The following FSIP1 variants were observed in gnomAD, a reference collection of about 807,000 sequenced individuals.
The protein encoded by FSIP1 is fibrous sheath interacting protein 1, also known as fibrous sheath-interacting protein 1.
In FSIP1, 65 loss-of-function variants were observed where a neutral mutation model predicts 60.9. That is an observed-to-expected ratio of 1.07 (90% CI 0.87 to 1.31). The LOEUF (loss-of-function observed/expected upper bound fraction) is 1.31. Among genes scored for constraint, FSIP1 ranks in the 40% most tolerant of loss-of-function variants. FSIP1 has a pLI of 0.00. For synonymous variants in FSIP1, 209 were observed against 221.2 expected (o/e 0.94, Z 0.49); for missense variants, 675 against 665.5 (o/e 1.01, Z -0.16).
chr15:39,660,931 C>T (rs542468741), intron 10 of FSIP1, among the ~76,000 whole-genome samples: 164 of 152,208 alleles, frequency 1.1e-3, no homozygotes, highest in African/African-American at 3.7e-3. Flanking sequence ...GAAATGGTGG[C>T]GCACGCCTGT....
rs781480089 is a variant in FSIP1, at chr15:39,765,772, G to C, written c.311-26C>G. 13 of 1,290,142 alleles carry C rather than the reference G, an allele frequency of 1.0e-5. No homozygotes were observed. In the South Asian group the frequency reaches 1.4e-4, roughly 14 times the overall value. 79.9% of individuals were successfully genotyped at this position (1,290,142 alleles called of 1,614,324 possible). A position where few individuals can be genotyped will look rare whatever the true frequency, so the allele number is the denominator to read the frequency against. ...CTATATTGTGTTGAAAGTAAAAATA[G>C]GTTTGAAGTATAGTAAAACTATAAA... On this transcript the variant is annotated intron_variant, in intron 3 of 11. Transcript: ENST00000350221.
chr15:39,686,445 A>G (rs775678150), intron 10 of FSIP1, among the ~76,000 whole-genome samples: 3 of 152,282 alleles, frequency 2.0e-5, no homozygotes, highest in Non-Finnish European at 4.4e-5. Context: ...CAAACTGTCA[A>G]TATAAATTGG....
Position 39,679,285 on chromosome 15 carries a change from A to G in FSIP1, c.1188+34159T>C, listed in dbSNP as rs144265924. 5.2e-3 allele frequency among the ~76,000 whole-genome samples: 798 copies of G among 152,360 alleles called. 3 individuals are homozygous for G. The highest frequency in any genetic ancestry group is 0.01 in the Middle Eastern group (3 of 294). On this transcript the variant is annotated intron_variant, in intron 10 of 11. Coordinates refer to ENST00000350221, the MANE Select transcript of FSIP1 (RefSeq NM_152597.5). ...AGGAACCCTGAATATCTTAAAATCT[A>G]GCTTTACAAGCCAAAGACATCAAGA...
intron 10 of FSIP1, among the ~76,000 whole-genome samples, chr15:39,624,293 T>C (rs1222680822): frequency 6.6e-6 from 1 of 152,232 alleles, no homozygotes; most frequent in African/African-American, 2.4e-5. Context: ...TTTAGTTCTA[T>C]AGTCAACTAC....
At chr15:39,774,690 G>A (rs1037165796) in intron 2 of FSIP1, among the ~76,000 whole-genome samples, 8 of 152,174 alleles carry the variant, frequency 5.3e-5, no homozygotes, top group Non-Finnish European at 1.0e-4. Flanking sequence ...CGTACGTTAG[G>A]ATAATCCAAT....
In FSIP1 at chr15:39,617,924, T is replaced by C. The variant is rs1891296705; in HGVS notation, c.1510A>G (p.Met504Val). The change falls in exon 11 of 12, where the codon ATG becomes GTG. Residue 504 changes from methionine (M) to valine (V), a missense_variant. Physicochemically the swap from Met to Val is conservative, Grantham distance 21. Transcript: ENST00000350221. ...TCCTTGGAAAATTGAAGGCATTTCA[T>C]ATTCTCTGCTTCAGTGACAAGAGCT... ...SEALVTEAEN[M>V]KCLQFSKDVI... is the part of the protein sequence containing the mutation. 3.7e-6 allele frequency: 6 copies of C among 1,614,186 alleles called. No individual in the cohort carries two copies. In the East Asian group the frequency reaches 6.7e-5, roughly 18 times the overall value.
At chr15:39,635,792 C>A (rs976446092) in intron 10 of FSIP1, among the ~76,000 whole-genome samples, 3 of 152,152 alleles carry the variant, frequency 2.0e-5, no homozygotes, top group African/African-American at 7.2e-5. Context: ...TGCCTACCCA[C>A]CTTGCTTTCT....
At chr15:39,716,750 ACT>A (rs1485807218) in intron 9 of FSIP1, among the ~76,000 whole-genome samples, 1 of 150,748 alleles carries the variant, frequency 6.6e-6, no homozygotes, top group Non-Finnish European at 1.5e-5. Flanking sequence ...AACAACAGGG[ACT>A]CTCTTACATT....
At chr15:39,648,590 CAGA>C (rs1362072860) in intron 10 of FSIP1, among the ~76,000 whole-genome samples, 7 of 152,266 alleles carry the variant, frequency 4.6e-5, no homozygotes, top group African/African-American at 1.4e-4. Context: ...AGGAGTAACT[CAGA>C]AGAAGTAAGT....
chr15:39,662,303 T>C (rs1226115119), intron 10 of FSIP1, among the ~76,000 whole-genome samples: 6 of 152,098 alleles, frequency 3.9e-5, no homozygotes, highest in Non-Finnish European at 8.8e-5. Flanking sequence ...AAAATAAATG[T>C]AATCAAGCCC....
intron 9 of FSIP1, among the ~76,000 whole-genome samples, chr15:39,718,330 A>G (rs578176768): frequency 8.6e-5 from 13 of 151,782 alleles, no homozygotes; most frequent in South Asian, 4.2e-4. Flanking sequence ...ATATGTGTGT[A>G]TATATATATA....
At chr15:39,716,531 A>G (rs1595654244) in intron 9 of FSIP1, among the ~76,000 whole-genome samples, 1 of 152,224 alleles carries the variant, frequency 6.6e-6, no homozygotes, top group South Asian at 2.1e-4. Context: ...ATAGACAATA[A>G]TAATTAATCA....
Position 39,687,136 on chromosome 15 carries a change from C to CTTTTTTTTTTTTTTTTTTTT in FSIP1, c.1188+26307_1188+26308insAAAAAAAAAAAAAAAAAAAA, listed in dbSNP as rs1491090328. ...CACCTTTCTTTCTTTCTTTTCTTTT[C>CTTTTTTTTTTTTTTTTTTTT]CTTTTTTTTTTTTTTTTTTTTTTTT... On this transcript the variant is annotated intron_variant, in intron 10 of 11. Coordinates refer to ENST00000350221, the MANE Select transcript of FSIP1 (RefSeq NM_152597.5). Among the ~76,000 whole-genome samples, 42 of 47,732 alleles carry CTTTTTTTTTTTTTTTTTTTT rather than the reference C, an allele frequency of 8.8e-4. 14 individuals are homozygous for CTTTTTTTTTTTTTTTTTTTT. The highest frequency in any genetic ancestry group is 1.8e-3 in the South Asian group (2 of 1,128). 31.3% of individuals were successfully genotyped at this position (47,732 alleles called of 152,430 possible).
At chr15:39,703,315 A>G (rs1895135999) in intron 10 of FSIP1, among the ~76,000 whole-genome samples, 1 of 152,170 alleles carries the variant, frequency 6.6e-6, no homozygotes, top group Admixed American at 6.5e-5. Context: ...CTCTCAAGAT[A>G]TGGCACATTA....
chr15:39,699,326 T>C (rs1464437610), intron 10 of FSIP1, among the ~76,000 whole-genome samples: 2 of 152,184 alleles, frequency 1.3e-5, no homozygotes, highest in African/African-American at 4.8e-5. Context: ...TACGAATAAA[T>C]GCCTAGGGAT....
At chr15:39,748,999 A>C (rs149487339) in intron 5 of FSIP1, among the ~76,000 whole-genome samples, 113 of 152,140 alleles carry the variant, frequency 7.4e-4, no homozygotes, top group Middle Eastern at 6.8e-3. Context: ...AGAAATAAAA[A>C]GTATCAAAAG....
chr15:39,671,185 C>G (rs1893705091), intron 10 of FSIP1, among the ~76,000 whole-genome samples: 1 of 152,150 alleles, frequency 6.6e-6, no homozygotes, highest in South Asian at 2.1e-4. Flanking sequence ...AGGGAACTAG[C>G]AGAAGGGCAA....
chr15:39,710,412 T>A (rs941871738), intron 10 of FSIP1, among the ~76,000 whole-genome samples: 1 of 146,654 alleles, frequency 6.8e-6, no homozygotes, highest in African/African-American at 2.6e-5. Context: ...GCACTCCAAC[T>A]TGGGCGACAG....
intron 10 of FSIP1, among the ~76,000 whole-genome samples, chr15:39,650,023 C>T (rs1363214628): frequency 6.6e-6 from 1 of 152,224 alleles, no homozygotes; most frequent in East Asian, 1.9e-4. Context: ...GCTGATTCCC[C>T]ACTCAGCGTC....
Sources: allele counts gnomAD v4.1 joint callset (sites outside exome capture counted in the v4.1 genomes callset), GRCh38; gene constraint gnomAD v4.1.1; transcripts MANE v1.5; gene names NCBI Gene and HGNC (gene_info 2026-07-23, HGNC 2026-07-21).